SHANK2: variants seen among roughly 807,000 people sequenced by gnomAD.
SHANK2 encodes SH3 and multiple ankyrin repeat domains protein 2.
Under a neutral mutation model 133.7 loss-of-function variants are expected in SHANK2, and 43 were observed. That is an observed-to-expected ratio of 0.32 (90% CI 0.25 to 0.41). The LOEUF (loss-of-function observed/expected upper bound fraction) is 0.41, where lower values mean the gene tolerates loss of function less well. SHANK2 is among the 10% of genes least tolerant of loss of function. The probability of loss-of-function intolerance (pLI) is 1.00; values close to 1 mark genes in which losing one functional copy is unlikely to be tolerated. For missense variants in SHANK2, 1,994 were observed against 2,235.8 expected (o/e 0.89, Z 2.18); for synonymous variants, 1,017 against 952.8 (o/e 1.07, Z -1.24).
chr11:70,831,264 C>T (rs1212353421), intron 11 of SHANK2, among the ~76,000 whole-genome samples: 2 of 152,100 alleles, frequency 1.3e-5, no homozygotes, highest in African/African-American at 2.4e-5. Context: ...AAAACGCAGG[C>T]GAGCACCTTT....
At chr11:71,241,534 A>C (rs1197777016) in intron 1 of SHANK2, among the ~76,000 whole-genome samples, 2 of 152,200 alleles carry the variant, frequency 1.3e-5, no homozygotes, top group East Asian at 1.9e-4. Flanking sequence ...GGCAACCGGA[A>C]AGCATCTAAT....
At chr11:71,148,000 C>G (rs540321166) in intron 2 of SHANK2, among the ~76,000 whole-genome samples, 2 of 152,150 alleles carry the variant, frequency 1.3e-5, no homozygotes, top group Admixed American at 1.3e-4. Context: ...GAGAGTGCAG[C>G]TTCCTCAAGG....
intron 3 of SHANK2, among the ~76,000 whole-genome samples, chr11:71,122,197 G>C (rs143130038): frequency 6.6e-6 from 1 of 151,896 alleles, no homozygotes; most frequent in African/African-American, 2.4e-5. Context: ...ACATGCACAC[G>C]TATGTTTACT....
At chr11:70,923,012 TTA>T (rs1373917410) in intron 10 of SHANK2, among the ~76,000 whole-genome samples, 2 of 152,166 alleles carry the variant, frequency 1.3e-5, no homozygotes, top group African/African-American at 4.8e-5. Flanking sequence ...AAAGTACCTA[TTA>T]TATTACTATA....
chr11:70,734,976 C>T (rs1056934681), intron 14 of SHANK2, among the ~76,000 whole-genome samples: 8 of 152,218 alleles, frequency 5.3e-5, no homozygotes, highest in African/African-American at 7.2e-5. Flanking sequence ...GCCCTGGAGA[C>T]GAGCGGGCCC....
rs567982129 is a variant in SHANK2, at chr11:70,629,387, G to A, written c.2061+30441C>T. On this transcript the variant is annotated intron_variant, in intron 17 of 25. Transcript: ENST00000601538. Reference sequence around the variant, plus strand: ...GTCATTTAACCTAGTGCTTGGTGATGAGGACACAGAATAGAGTGTGGCTCT... The same window carrying A: ...GTCATTTAACCTAGTGCTTGGTGATAAGGACACAGAATAGAGTGTGGCTCT... Among the ~76,000 whole-genome samples, 6 of 151,856 alleles carry A rather than the reference G, an allele frequency of 4.0e-5. No individual in the cohort carries two copies. The South Asian group carries it at 1.2e-3, about 31-fold the overall frequency.
intron 4 of SHANK2, among the ~76,000 whole-genome samples, chr11:71,117,059 G>A (rs1253061594): frequency 1.8e-4 from 28 of 152,056 alleles, no homozygotes; most frequent in Non-Finnish European, 2.6e-4. Flanking sequence ...CAGTCTTGTC[G>A]CCCAGGCTGG....
intron 14 of SHANK2, among the ~76,000 whole-genome samples, chr11:70,763,948 G>A (rs1947050738): frequency 6.6e-6 from 1 of 152,170 alleles, no homozygotes; most frequent in Admixed American, 6.5e-5. Flanking sequence ...GTTAGATGCT[G>A]ACATGAAATC....
intron 17 of SHANK2, among the ~76,000 whole-genome samples, chr11:70,578,205 G>A (rs1177150098): frequency 1.3e-5 from 2 of 152,172 alleles, no homozygotes; most frequent in East Asian, 1.9e-4. Context: ...CAGATACGGC[G>A]CCTGTCCAAG....
intron 14 of SHANK2, among the ~76,000 whole-genome samples, chr11:70,743,368 C>G (rs573149774): frequency 8.5e-5 from 13 of 152,274 alleles, no homozygotes; most frequent in African/African-American, 3.1e-4. Context: ...TGATTAGTGT[C>G]TTTGCGAGAA....
At chr11:70,555,518 G>A (rs1367131469) in intron 17 of SHANK2, among the ~76,000 whole-genome samples, 2 of 152,210 alleles carry the variant, frequency 1.3e-5, no homozygotes, top group Non-Finnish European at 2.9e-5. Context: ...GGCCAAGGTG[G>A]GAGGATCACT....
intron 8 of SHANK2, among the ~76,000 whole-genome samples, chr11:71,088,603 A>G (rs1951450796): frequency 6.6e-6 from 1 of 152,162 alleles, no homozygotes; most frequent in Non-Finnish European, 1.5e-5. Context: ...GAGACTCGAG[A>G]AAGATGTGGG....
At chr11:71,151,246 C>T (rs376751386) in intron 2 of SHANK2, among the ~76,000 whole-genome samples, 67 of 150,930 alleles carry the variant, frequency 4.4e-4, no homozygotes, top group African/African-American at 1.5e-3. Flanking sequence ...AGGAACCTCC[C>T]GGGGAGGCCA....
intron 17 of SHANK2, among the ~76,000 whole-genome samples, chr11:70,572,568 A>C (rs1487182440): frequency 6.6e-6 from 1 of 152,186 alleles, no homozygotes; most frequent in Non-Finnish European, 1.5e-5. Flanking sequence ...GAGAAGAGGG[A>C]AACAAGGAGA....
intron 17 of SHANK2, among the ~76,000 whole-genome samples, chr11:70,549,757 C>A (rs1554977379): frequency 6.6e-5 from 10 of 152,204 alleles, no homozygotes. Flanking sequence ...GGAGGTGAGA[C>A]CTTTTCCACA....
At chr11:70,728,213 A>G (rs1946213625) in intron 14 of SHANK2, among the ~76,000 whole-genome samples, 1 of 151,926 alleles carries the variant, frequency 6.6e-6, no homozygotes, top group Non-Finnish European at 1.5e-5. Context: ...AGGGAAAAGT[A>G]CTCCCCAGTT....
chr11:71,138,072 G>A (rs1355636302), intron 3 of SHANK2, among the ~76,000 whole-genome samples: 2 of 143,270 alleles, frequency 1.4e-5, no homozygotes, highest in East Asian at 2.1e-4. Context: ...ATGGGTGGGC[G>A]CACACATACA....
chr11:71,075,831 A>G (rs1407683416), intron 8 of SHANK2, among the ~76,000 whole-genome samples: 8 of 152,226 alleles, frequency 5.3e-5, no homozygotes, highest in African/African-American at 1.9e-4. Flanking sequence ...TGCAGGACGC[A>G]GGGGTAGGGC....
intron 17 of SHANK2, among the ~76,000 whole-genome samples, chr11:70,599,808 G>A (rs1338609247): frequency 7.0e-6 from 1 of 142,202 alleles, no homozygotes; most frequent in African/African-American, 2.6e-5. Context: ...AGAAAAGAAA[G>A]AAGAGGGAGA....
Sources: gnomAD v4.1 joint callset for allele counts (sites outside exome capture counted in the v4.1 genomes callset) on GRCh38, gnomAD v4.1.1 for gene constraint, MANE v1.5 for transcripts, NCBI Gene and HGNC (gene_info 2026-07-23, HGNC 2026-07-21) for gene names.